Variants in RAB3C observed in about 807,000 individuals in gnomAD.
RAB3C encodes the protein RAB3C, member RAS oncogene family.
RAB3C carries 17 observed loss-of-function variants against 26.4 expected under a neutral mutation model. The observed-to-expected ratio is 0.64, with a 90% CI of 0.44 to 0.97. The LOEUF (loss-of-function observed/expected upper bound fraction) is 0.97. Ranked by LOEUF, RAB3C falls within the 50% of genes least tolerant of loss-of-function variation. The pLI is 0.00. For missense variants in RAB3C, 242 were observed against 281.9 expected (o/e 0.86, Z 1.01); for synonymous variants, 91 against 95.9 (o/e 0.95, Z 0.30).
At chr5:58,837,021 T>C (rs1184631435) in intron 4 of RAB3C, among the ~76,000 whole-genome samples, 1 of 152,204 alleles carries the variant, frequency 6.6e-6, no homozygotes. Context: ...AGTTTTCTTT[T>C]CTCTGCATCC....
At chr5:58,805,249 C>T (rs558629547) in intron 3 of RAB3C, among the ~76,000 whole-genome samples, 4 of 151,952 alleles carry the variant, frequency 2.6e-5, no homozygotes, top group East Asian at 3.9e-4. Context: ...TATAGCAATA[C>T]AAAATAATAT....
chr5:58,799,366 G>A (rs1271227210), intron 3 of RAB3C, among the ~76,000 whole-genome samples: 1 of 151,778 alleles, frequency 6.6e-6, no homozygotes, highest in African/African-American at 2.4e-5. Context: ...TTTTTTTAAT[G>A]AAGAGTTGGG....
At chr5:58,841,229 G>A (rs563539055) in intron 4 of RAB3C, among the ~76,000 whole-genome samples, 1 of 152,314 alleles carries the variant, frequency 6.6e-6, no homozygotes, top group South Asian at 2.1e-4. Flanking sequence ...ATTTAGGGGA[G>A]GGCATGTAGC....
chr5:58,854,119 G>A lies in RAB3C; in HGVS notation c.*2768G>A, dbSNP rs1450471185. Reference sequence around the variant, plus strand: ...AGTCTAAATACATAAATAAATGCAGGTCATTTTTATCAATGGCCTAACTAA... The same window carrying A: ...AGTCTAAATACATAAATAAATGCAGATCATTTTTATCAATGGCCTAACTAA... On this transcript the variant is annotated 3_prime_UTR_variant, in exon 5 of 5. Coordinates refer to ENST00000282878, the MANE Select transcript of RAB3C (RefSeq NM_138453.4). The A allele has an allele frequency of 6.7e-6, 1 of 149,194 alleles. No homozygotes were observed. Among genetic ancestry groups the A allele is most frequent in the Non-Finnish European group, 1.5e-5 (1 of 67,618 alleles). The allele number at this position is 149,194 out of a possible 1,614,324, so 9.2% of individuals were successfully genotyped here.
chr5:58,767,987 A>C (rs1317214293), intron 3 of RAB3C, among the ~76,000 whole-genome samples: 1 of 152,180 alleles, frequency 6.6e-6, no homozygotes, highest in Non-Finnish European at 1.5e-5. Flanking sequence ...CTAAAGGGTG[A>C]GAAAAAGCCA....
At chr5:58,725,540 T>C (rs1393498719) in intron 2 of RAB3C, among the ~76,000 whole-genome samples, 1 of 151,938 alleles carries the variant, frequency 6.6e-6, no homozygotes, top group African/African-American at 2.4e-5. Context: ...CCTGCTCAAC[T>C]CTTTTGAATG....
At chr5:58,684,956 A>G (rs993522856) in intron 2 of RAB3C, among the ~76,000 whole-genome samples, 2 of 152,216 alleles carry the variant, frequency 1.3e-5, no homozygotes, top group African/African-American at 4.8e-5. Flanking sequence ...TGTTACTGGT[A>G]ATATATTACT....
chr5:58,778,332 T>G (rs1214304154), intron 3 of RAB3C, among the ~76,000 whole-genome samples: 1 of 152,160 alleles, frequency 6.6e-6, no homozygotes, highest in Non-Finnish European at 1.5e-5. Context: ...CCTCTTGGTC[T>G]AATCAGTTTT....
intron 1 of RAB3C, among the ~76,000 whole-genome samples, chr5:58,593,253 C>T (rs752326323): frequency 4.6e-5 from 7 of 152,064 alleles, no homozygotes; most frequent in Non-Finnish European, 8.8e-5. Flanking sequence ...TCAGTAGTGG[C>T]TCTTTTTACA....
chr5:58,607,958 G>A (rs1360986920), intron 1 of RAB3C, among the ~76,000 whole-genome samples: 1 of 152,100 alleles, frequency 6.6e-6, no homozygotes, highest in Non-Finnish European at 1.5e-5. Flanking sequence ...GAAACAACCG[G>A]TACCAGCCAC....
At chr5:58,678,372 C>T (rs1748273056) in intron 2 of RAB3C, among the ~76,000 whole-genome samples, 1 of 151,938 alleles carries the variant, frequency 6.6e-6, no homozygotes, top group Admixed American at 6.6e-5. Context: ...TATTTATGTT[C>T]AGAGTGATTA....
At chr5:58,614,445 G>T (rs1452968987) in intron 1 of RAB3C, among the ~76,000 whole-genome samples, 1 of 151,570 alleles carries the variant, frequency 6.6e-6, no homozygotes, top group Non-Finnish European at 1.5e-5. Flanking sequence ...GCTCTTTGTG[G>T]AATCTTATTA....
chr5:58,801,100 G>A (rs1742798400), intron 3 of RAB3C, among the ~76,000 whole-genome samples: 1 of 152,004 alleles, frequency 6.6e-6, no homozygotes. Flanking sequence ...GAATGTGGCT[G>A]TGCCTCTCTT....
chr5:58,659,225 T>C (rs1362169893), intron 2 of RAB3C, among the ~76,000 whole-genome samples: 1 of 152,254 alleles, frequency 6.6e-6, no homozygotes, highest in African/African-American at 2.4e-5. Flanking sequence ...TATATATATA[T>C]ATACACATGC....
intron 1 of RAB3C, among the ~76,000 whole-genome samples, chr5:58,600,563 T>G (rs959364418): frequency 1.3e-5 from 2 of 152,170 alleles, no homozygotes; most frequent in Non-Finnish European, 2.9e-5. Flanking sequence ...GCCTCCTCGG[T>G]TAGGTATATT....
intron 3 of RAB3C, among the ~76,000 whole-genome samples, chr5:58,797,396 T>TACAC (rs766393460): frequency 4.3e-5 from 5 of 116,814 alleles, no homozygotes; most frequent in African/African-American, 1.8e-4. Context: ...TATATATATA[T>TACAC]ACACAGAGAG....
intron 3 of RAB3C, among the ~76,000 whole-genome samples, chr5:58,793,571 C>T (rs1742577994): frequency 1.6e-5 from 2 of 122,832 alleles, no homozygotes; most frequent in Admixed American, 9.4e-5. Flanking sequence ...TTACAGACTT[C>T]ATTTTGCCAC....
At chr5:58,799,170 T>C (rs752579730) in intron 3 of RAB3C, among the ~76,000 whole-genome samples, 5 of 152,170 alleles carry the variant, frequency 3.3e-5, no homozygotes, top group Non-Finnish European at 5.9e-5. Context: ...TTTTCTATTC[T>C]TAGGAGATGT....
intron 1 of RAB3C, among the ~76,000 whole-genome samples, chr5:58,595,471 T>C (rs1264430061): frequency 6.6e-6 from 1 of 152,080 alleles, no homozygotes; most frequent in East Asian, 1.9e-4. Context: ...TTCCCAGGGA[T>C]CTTGGCCTAA....
Sources: gnomAD v4.1 joint callset for allele counts (sites outside exome capture counted in the v4.1 genomes callset) on GRCh38, gnomAD v4.1.1 for gene constraint, MANE v1.5 for transcripts, NCBI Gene and HGNC (gene_info 2026-07-23, HGNC 2026-07-21) for gene names.